Variants in ZC3H7B observed in about 807,000 individuals in gnomAD.
ZC3H7B encodes zinc finger CCCH-type containing 7B.
A neutral mutation model predicts 116.0 loss-of-function variants in ZC3H7B; 35 were observed. That is an observed-to-expected ratio of 0.30 (90% CI 0.23 to 0.40). The LOEUF is 0.40. Ranked by LOEUF, ZC3H7B falls within the 10% of genes least tolerant of loss-of-function variation. ZC3H7B has a pLI of 1.00. For synonymous variants in ZC3H7B, 502 were observed against 545.6 expected (o/e 0.92, Z 1.11); for missense variants, 1,011 against 1,321.5 (o/e 0.77, Z 3.64).
In ZC3H7B at chr22:41,356,378, A is replaced by C. The variant is rs780198131; in HGVS notation, c.2419A>C (p.Lys807Gln). 23 of 1,614,020 alleles carry C rather than the reference A, an allele frequency of 1.4e-5. No homozygotes were observed. Among genetic ancestry groups the C allele is most frequent in the Non-Finnish European group, 1.9e-5 (22 of 1,180,038 alleles). The change falls in exon 21 of 23, where the codon AAA (lysine) becomes CAA (glutamine). Residue 807 changes from lysine to glutamine, a missense_variant. Physicochemically the swap from Lys to Gln is moderately conservative, Grantham distance 53. Transcript: ENST00000352645. ...GCAGCAGACCTATGACATGTGGCTG[A>C]AAAAACACAACCCAGGAAAGCCTGG... ...DMQQTYDMWL[K>Q]KHNPGKPGEG...
chr22:41,310,552 T>C (rs1007645576), intron 1 of ZC3H7B, among the ~76,000 whole-genome samples: 29 of 152,242 alleles, frequency 1.9e-4, no homozygotes, highest in African/African-American at 6.5e-4. Context: ...CACAAGGATT[T>C]CCAAGCTCCC....
chr22:41,356,221 G>A lies in ZC3H7B; in HGVS notation c.2384-122G>A. On this transcript the variant is annotated intron_variant, in intron 20 of 22. Transcript: ENST00000352645. ...CGGGCCCTCTCTGAGGCCAGGCCCT[G>A]AGGCTGAGCGGCCTATCAGCAGGAC... The A allele has an allele frequency of 1.4e-5, 22 of 1,532,686 alleles. 1 individual carries two copies. The South Asian group carries it at 2.7e-4, about 19-fold the overall frequency. 94.9% of individuals were successfully genotyped at this position (1,532,686 alleles called of 1,614,324 possible). A position where few individuals can be genotyped will look rare whatever the true frequency, so the allele number is the denominator to read the frequency against.
chr22:41,306,143 G>C (rs2036038179), intron 1 of ZC3H7B, among the ~76,000 whole-genome samples: 1 of 152,142 alleles, frequency 6.6e-6, no homozygotes, highest in Non-Finnish European at 1.5e-5. Flanking sequence ...TTCAAGTCAG[G>C]CTCTGCCGTC....
chr22:41,340,023 C>T lies in ZC3H7B; in HGVS notation c.1024C>T (p.Pro342Ser). 1 of 1,611,290 alleles carries T rather than the reference C, an allele frequency of 6.2e-7. No homozygotes were observed. The highest frequency in any genetic ancestry group is 8.5e-7 in the Non-Finnish European group (1 of 1,180,006). Reference sequence around the variant, plus strand: ...CTCTGTGCTGGATGCCCTCGATCCCCCGGGCCCCACGCTGGACCCCCTGGA... The same window carrying T: ...CTCTGTGCTGGATGCCCTCGATCCCTCGGGCCCCACGCTGGACCCCCTGGA... ...AASVLDALDP[P>S]GPTLDPLDLL... Residue 342 changes from proline (P) to serine (S), a missense_variant, in exon 10 of 23, where the codon CCG (proline) becomes TCG (serine). Pro to Ser is a moderately conservative substitution (Grantham distance 74, BLOSUM62 -1). Around this residue, in one of 5 missense-constraint regions of ZC3H7B, gnomAD observed 99 missense variants for 89.5 expected, o/e 1.11. Coordinates refer to ENST00000352645, the MANE Select transcript of ZC3H7B (RefSeq NM_017590.6).
At position 41,349,362 on chromosome 22, in the gene ZC3H7B, G is replaced by T. The variant is rs2036629289; in HGVS notation, c.1948+61G>T. 2 of 1,590,916 alleles carry T rather than the reference G, an allele frequency of 1.3e-6. No homozygotes were observed. The highest frequency in any genetic ancestry group is 1.3e-5 in the African/African-American group (1 of 74,730). On this transcript the variant is annotated intron_variant, in intron 16 of 22. Transcript: ENST00000352645. The surrounding 1 kb of genome is among the most constrained non-coding windows in gnomAD (Gnocchi z 4.9). ...CTCAGGTGAGGGGTAGGCGGCGCAGGTGAAGGGAGCGCAGGACTGACTGGG... is the reference window on the plus strand; with the variant it reads ...CTCAGGTGAGGGGTAGGCGGCGCAGTTGAAGGGAGCGCAGGACTGACTGGG...
intron 1 of ZC3H7B, among the ~76,000 whole-genome samples, chr22:41,315,317 C>T (rs2036167973): frequency 6.6e-6 from 1 of 150,848 alleles, no homozygotes; most frequent in Admixed American, 6.6e-5. Context: ...GATGGGACTA[C>T]AGGCATGTAC....
intron 12 of ZC3H7B, 126 bp downstream of exon 12, chr22:41,342,754 T>G: frequency 2.1e-6 from 2 of 971,216 alleles, no homozygotes; most frequent in Non-Finnish European, 3.0e-6. Flanking sequence ...CAGAAGCCCC[T>G]CTGGGGCAGA....
rs1267630736 is a variant in ZC3H7B at position 41,349,325 on chromosome 22, G to C, written c.1948+24G>C. 2 of 1,609,412 alleles carry C rather than the reference G, an allele frequency of 1.2e-6. No homozygotes were observed. Among genetic ancestry groups the C allele is most frequent in the East Asian group, 4.5e-5 (2 of 44,766 alleles). ...AGGTGAGGGGCAGGCGGTGCAGGTG[G>C]AGGGCAGGTGACTCAGGTGAGGGGT... On this transcript the variant is annotated intron_variant, in intron 16 of 22. Coordinates refer to ENST00000352645, the MANE Select transcript of ZC3H7B (RefSeq NM_017590.6). The surrounding 1 kb of genome is among the most constrained non-coding windows in gnomAD (Gnocchi z 4.9).
intron 4 of ZC3H7B, among the ~76,000 whole-genome samples, chr22:41,326,226 A>G (rs1304678561): frequency 6.6e-6 from 1 of 152,080 alleles, no homozygotes; most frequent in Non-Finnish European, 1.5e-5. Flanking sequence ...CCTTGGTGGG[A>G]GTCTGACTTC....
intron 13 of ZC3H7B, among the ~76,000 whole-genome samples, chr22:41,344,275 C>T (rs1392148447): frequency 6.6e-6 from 1 of 152,188 alleles, no homozygotes; most frequent in African/African-American, 2.4e-5. Flanking sequence ...CTAGCAGTGG[C>T]CCGCCCAGGC....
intron 1 of ZC3H7B, among the ~76,000 whole-genome samples, chr22:41,308,075 G>A (rs943971619): frequency 3.3e-5 from 5 of 152,160 alleles, no homozygotes; most frequent in African/African-American, 9.7e-5. Flanking sequence ...CCCACCCACT[G>A]CTCTTCCTAC....
At chr22:41,343,097 C>A (rs1427934024) in intron 12 of ZC3H7B, among the ~76,000 whole-genome samples, 1 of 152,134 alleles carries the variant, frequency 6.6e-6, no homozygotes, top group Non-Finnish European at 1.5e-5. Flanking sequence ...TGCTTGAACC[C>A]GGAAGGCAGA....
chr22:41,317,346 A>G (rs2036198036), intron 1 of ZC3H7B, among the ~76,000 whole-genome samples: 1 of 152,038 alleles, frequency 6.6e-6, no homozygotes, highest in Non-Finnish European at 1.5e-5. Flanking sequence ...TGTGGTGCAG[A>G]GAGAGAATTC....
chr22:41,332,413 C>A (rs565890394), intron 7 of ZC3H7B, 186 bp downstream of exon 7: 4 of 707,122 alleles, frequency 5.7e-6, no homozygotes, highest in South Asian at 5.5e-5. Flanking sequence ...AGGGAGTGGT[C>A]ATTGCCGGGG....
intron 5 of ZC3H7B, among the ~76,000 whole-genome samples, chr22:41,328,918 G>A (rs1326788460): frequency 1.3e-5 from 2 of 151,824 alleles, no homozygotes; most frequent in Non-Finnish European, 2.9e-5. Context: ...CGGGCACAGT[G>A]GCTCACGCCT....
chr22:41,342,725 G>A, intron 12 of ZC3H7B, 97 bp downstream of exon 12: 7 of 1,229,902 alleles, frequency 5.7e-6, no homozygotes, highest in Non-Finnish European at 7.9e-6. Context: ...TGTCTCAGTT[G>A]GAGATAAGTG....
At chr22:41,337,730 A>G (rs1484768196) in intron 7 of ZC3H7B, among the ~76,000 whole-genome samples, 12 of 152,120 alleles carry the variant, frequency 7.9e-5, no homozygotes, top group Non-Finnish European at 1.6e-4. Context: ...ACCAAGACTC[A>G]GAGGTTCTCT....
chr22:41,319,926 G>A (rs1183846796), intron 1 of ZC3H7B, among the ~76,000 whole-genome samples: 1 of 151,894 alleles, frequency 6.6e-6, no homozygotes, highest in Non-Finnish European at 1.5e-5. Flanking sequence ...AGCTACTCCA[G>A]AGGCTGAGGC....
At chr22:41,335,797 T>C (rs2036438267) in intron 7 of ZC3H7B, 2 of 152,452 alleles carry the variant, frequency 1.3e-5, no homozygotes, top group South Asian at 4.1e-4. Flanking sequence ...CAGGACAGGC[T>C]CTTGGGTCAG....
Sources: gnomAD v4.1 joint callset for allele counts (sites outside exome capture counted in the v4.1 genomes callset) on GRCh38, gnomAD v4.1.1 for gene constraint, gnomAD v4.1.1 regional missense constraint, Gnocchi (gnomAD v3.1) non-coding constraint, MANE v1.5 for transcripts, NCBI Gene and HGNC (gene_info 2026-07-23, HGNC 2026-07-21) for gene names.